Variants in PXDNL observed in about 807,000 individuals in gnomAD.
PXDNL encodes the protein probable oxidoreductase PXDNL.
In PXDNL, 145 loss-of-function variants were observed where a neutral mutation model predicts 150.8. The observed-to-expected ratio is 0.96, with a 90% CI of 0.84 to 1.10. The LOEUF (loss-of-function observed/expected upper bound fraction) is 1.10, where lower values mean the gene tolerates loss of function less well. Ranked by LOEUF, PXDNL falls within the 50% of genes least tolerant of loss-of-function variation. The pLI is 0.00. For synonymous variants in PXDNL, 757 were observed against 725.7 expected, an observed-to-expected ratio of 1.04 and a Z score of -0.69; for missense variants, 2,087 against 1,873.9, an observed-to-expected ratio of 1.11 and a Z score of -2.10.
chr8:51,800,214 G>A (rs766875237), intron 1 of PXDNL, among the ~76,000 whole-genome samples: 18 of 151,882 alleles, frequency 1.2e-4, no homozygotes, highest in Non-Finnish European at 7.4e-5. Context: ...AGTTTCACTG[G>A]GCCAATTGGC....
At chr8:51,608,693 C>T (rs901059650) in intron 2 of PXDNL, among the ~76,000 whole-genome samples, 11 of 150,778 alleles carry the variant, frequency 7.3e-5, no homozygotes, top group Admixed American at 6.6e-5. Flanking sequence ...AAAAATTAGC[C>T]GGGCGTGGTG....
chr8:51,462,051 T>C (rs1469468206), intron 8 of PXDNL, among the ~76,000 whole-genome samples: 1 of 152,112 alleles, frequency 6.6e-6, no homozygotes, highest in Non-Finnish European at 1.5e-5. Flanking sequence ...ACACAGGGCC[T>C]TGATATTTAG....
At chr8:51,615,643 G>A (rs1814115197) in intron 2 of PXDNL, among the ~76,000 whole-genome samples, 1 of 152,106 alleles carries the variant, frequency 6.6e-6, no homozygotes, top group Admixed American at 6.6e-5. Context: ...TATTCAATGT[G>A]AGTGAAATTT....
chr8:51,566,884 T>A (rs917241584), intron 3 of PXDNL, among the ~76,000 whole-genome samples: 1 of 151,770 alleles, frequency 6.6e-6, no homozygotes, highest in Admixed American at 6.6e-5. Flanking sequence ...GTCTAGATTA[T>A]TGATTTTATA....
At chr8:51,645,378 T>C (rs1045755530) in intron 2 of PXDNL, among the ~76,000 whole-genome samples, 1 of 152,216 alleles carries the variant, frequency 6.6e-6, no homozygotes, top group Non-Finnish European at 1.5e-5. Context: ...TCCTGCGCCC[T>C]GATTAATTTA....
At chr8:51,680,369 A>C (rs1221710792) in intron 1 of PXDNL, among the ~76,000 whole-genome samples, 1 of 152,192 alleles carries the variant, frequency 6.6e-6, no homozygotes, top group East Asian at 1.9e-4. Flanking sequence ...CAGAGTTTTC[A>C]TGAGTGCCTT....
In PXDNL at chr8:51,744,928, AAAAG is replaced by A. The variant is rs1193132745; in HGVS notation, c.164+64249_164+64252del. Among the ~76,000 whole-genome samples, 792 of 88,258 alleles carry A rather than the reference AAAAG, an allele frequency of 9.0e-3. 15 individuals are homozygous for A. Among genetic ancestry groups the A allele is most frequent in the African/African-American group, 0.035 (755 of 21,664 alleles). 57.9% of individuals were successfully genotyped at this position (88,258 alleles called of 152,430 possible). On this transcript the variant is annotated intron_variant, in intron 1 of 22. Transcript: ENST00000356297. ...AAGGAAGGAAGGAAGGAAAGAAAGA[AAAAG>A]AAAGAAAGAAAGAAAGAAAGAAAGA... is the stretch of plus-strand genomic sequence containing the variant.
intron 3 of PXDNL, among the ~76,000 whole-genome samples, chr8:51,571,992 G>A (rs1429213424): frequency 6.6e-6 from 1 of 151,800 alleles, no homozygotes; most frequent in Non-Finnish European, 1.5e-5. Context: ...ATAGCCATAT[G>A]CAGTCAGTAT....
intron 4 of PXDNL, among the ~76,000 whole-genome samples, chr8:51,538,631 G>T (rs1347091356): frequency 6.6e-6 from 1 of 152,096 alleles, no homozygotes; most frequent in African/African-American, 2.4e-5. Context: ...GGCGAGTCTG[G>T]TGGTGGGCGT....
chr8:51,521,398 G>A (rs1811661341), intron 4 of PXDNL, among the ~76,000 whole-genome samples: 1 of 152,048 alleles, frequency 6.6e-6, no homozygotes, highest in African/African-American at 2.4e-5. Flanking sequence ...TAGCATATTT[G>A]ACATAGTTGA....
At chr8:51,461,793 G>T (rs930854689) in intron 8 of PXDNL, among the ~76,000 whole-genome samples, 2 of 152,158 alleles carry the variant, frequency 1.3e-5, no homozygotes, top group African/African-American at 4.8e-5. Context: ...GTCTTCCAAG[G>T]CCCAGGAATA....
At chr8:51,759,712 T>C (rs1585728517) in intron 1 of PXDNL, among the ~76,000 whole-genome samples, 1 of 152,242 alleles carries the variant, frequency 6.6e-6, no homozygotes, top group Non-Finnish European at 1.5e-5. Flanking sequence ...CAAATTACAT[T>C]GTTCTTATAC....
intron 4 of PXDNL, among the ~76,000 whole-genome samples, chr8:51,519,314 G>T (rs1811608246): frequency 6.6e-6 from 1 of 152,080 alleles, no homozygotes; most frequent in African/African-American, 2.4e-5. Flanking sequence ...GCTGAGGCAG[G>T]CAGATCACCT....
chr8:51,796,185 C>G (rs1261362505), intron 1 of PXDNL, among the ~76,000 whole-genome samples: 2 of 151,844 alleles, frequency 1.3e-5, no homozygotes, highest in Non-Finnish European at 2.9e-5. Context: ...CTCAAATTGA[C>G]ACCTTAACAT....
chr8:51,340,938 TCCTGAAGAAG>T (rs775006020), intron 20 of PXDNL, among the ~76,000 whole-genome samples: 6 of 152,248 alleles, frequency 3.9e-5, no homozygotes, highest in Non-Finnish European at 7.3e-5. Flanking sequence ...AGGTATTTAA[TCCTGAAGAAG>T]CCTGAATGAA....
At chr8:51,520,998 G>A (rs1811651535) in intron 4 of PXDNL, among the ~76,000 whole-genome samples, 3 of 152,116 alleles carry the variant, frequency 2.0e-5, no homozygotes, top group Non-Finnish European at 2.9e-5. Context: ...GGGAGGAGGC[G>A]GAGTTGGGAG....
chr8:51,589,981 C>T (rs1813407696), intron 3 of PXDNL, among the ~76,000 whole-genome samples: 1 of 152,120 alleles, frequency 6.6e-6, no homozygotes, highest in South Asian at 2.1e-4. Context: ...CAGAGGCCTT[C>T]AAGGCTACCC....
chr8:51,448,255 AGGG>A (rs1809723484), intron 11 of PXDNL, among the ~76,000 whole-genome samples: 1 of 152,154 alleles, frequency 6.6e-6, no homozygotes, highest in African/African-American at 2.4e-5. Flanking sequence ...GGTGGGGCAT[AGGG>A]GGTTAGATCC....
At chr8:51,570,467 C>T (rs1812910445) in intron 3 of PXDNL, among the ~76,000 whole-genome samples, 1 of 151,684 alleles carries the variant, frequency 6.6e-6, no homozygotes, top group South Asian at 2.1e-4. Context: ...AGAATCTAAC[C>T]TGACATTATA....
Sources: allele counts gnomAD v4.1 joint callset (sites outside exome capture counted in the v4.1 genomes callset), GRCh38; gene constraint gnomAD v4.1.1; transcripts MANE v1.5; gene names NCBI Gene and HGNC (gene_info 2026-07-23, HGNC 2026-07-21).